ARHGEF7: variants seen among roughly 807,000 people sequenced by gnomAD.
The protein encoded by ARHGEF7 is PAK-interacting exchange factor beta.
Under a neutral mutation model 109.8 loss-of-function variants are expected in ARHGEF7, and 33 were observed. That is an observed-to-expected ratio of 0.30 (90% CI 0.23 to 0.40). ARHGEF7 has a LOEUF of 0.40. Ranked by LOEUF, ARHGEF7 falls within the 10% of genes least tolerant of loss-of-function variation. The pLI is 1.00. For synonymous variants in ARHGEF7, 458 were observed against 424.6 expected (o/e 1.08, Z -0.97); for missense variants, 938 against 1,098.5 (o/e 0.85, Z 2.07).
chr13:111,274,604 C>CT (rs1322484508), intron 10 of ARHGEF7, 127 bp from the exon 11 acceptor site: 1 of 453,222 alleles, frequency 2.2e-6, no homozygotes, highest in Non-Finnish European at 3.8e-6. Context: ...CACTTTAATG[C>CT]TGAGGGAAAA....
chr13:111,283,290 C>T lies in ARHGEF7; in HGVS notation c.1877C>T (p.Pro626Leu). ...NWGPLEPPKT[P>L]KPWSLSCLRP... ...GGACCCCTGGAGCCTCCGAAAACAC[C>T]CAAGCCCTGGAGCCTGAGCTGCCTG... The change falls in exon 16 of 22, where the codon CCC becomes CTC. Residue 626 changes from proline (P) to leucine (L), a missense_variant. Coordinates refer to ENST00000646102, the MANE Select transcript of ARHGEF7 (RefSeq NM_001354046.2). 3 of 1,577,340 alleles carry T rather than the reference C, an allele frequency of 1.9e-6. No individual in the cohort carries two copies. Among genetic ancestry groups the T allele is most frequent in the Non-Finnish European group, 2.6e-6 (3 of 1,165,150 alleles).
chr13:111,144,254 T>G (rs555457781), intron 1 of ARHGEF7: 2 of 152,334 alleles, frequency 1.3e-5, no homozygotes, highest in Non-Finnish European at 2.9e-5. Context: ...AGCATTTCAT[T>G]TAGAGTTGGG....
chr13:111,281,187 T>C (rs2092760704), intron 15 of ARHGEF7: 4 of 133,086 alleles, frequency 3.0e-5, no homozygotes, highest in Admixed American at 3.0e-4. Flanking sequence ...GAGACTTTTT[T>C]TTTTTTTTTT....
At chr13:111,181,582 C>T (rs369506783) in intron 2 of ARHGEF7, among the ~76,000 whole-genome samples, 12 of 152,164 alleles carry the variant, frequency 7.9e-5, no homozygotes, top group African/African-American at 2.7e-4. Context: ...TCTCCAGGTG[C>T]TGTTCATCAG....
chr13:111,243,080 A>G (rs2088088896), intron 6 of ARHGEF7, among the ~76,000 whole-genome samples: 1 of 152,220 alleles, frequency 6.6e-6, no homozygotes, highest in Admixed American at 6.5e-5. Context: ...CTATCTTTAA[A>G]TGAAGTAGTA....
At chr13:111,232,276 A>G (rs957292569) in intron 5 of ARHGEF7, among the ~76,000 whole-genome samples, 2 of 152,074 alleles carry the variant, frequency 1.3e-5, no homozygotes, top group Non-Finnish European at 2.9e-5. Context: ...GACGCCATAC[A>G]CTGTCTGCAG....
chr13:111,271,645 C>G (rs1423291019), intron 9 of ARHGEF7, among the ~76,000 whole-genome samples: 2 of 152,198 alleles, frequency 1.3e-5, no homozygotes, highest in Non-Finnish European at 2.9e-5. Context: ...CGTGCGTGCT[C>G]TCTCTCACAA....
intron 2 of ARHGEF7, among the ~76,000 whole-genome samples, chr13:111,184,040 T>G: frequency 6.6e-6 from 1 of 152,142 alleles, no homozygotes. Flanking sequence ...TGAATTATAA[T>G]AATCCCCACC....
chr13:111,300,927 C>CG, intron 20 of ARHGEF7, 80 bp downstream of exon 20: 1 of 789,852 alleles, frequency 1.3e-6, no homozygotes, highest in Non-Finnish European at 2.0e-6. Context: ...TCCCTGAGGG[C>CG]GGGGGTATGG....
chr13:111,221,474 TATATAGATATATATAGAC>T (rs1234215892), intron 5 of ARHGEF7, among the ~76,000 whole-genome samples: 1 of 96,394 alleles, frequency 1.0e-5, no homozygotes, highest in Non-Finnish European at 2.0e-5. Flanking sequence ...GACATCTATA[TATATAGATATATATAGAC>T]ATATATATAT....
At chr13:111,186,189 T>G (rs1320333292) in intron 2 of ARHGEF7, among the ~76,000 whole-genome samples, 1 of 152,066 alleles carries the variant, frequency 6.6e-6, no homozygotes, top group Non-Finnish European at 1.5e-5. Flanking sequence ...AGAGAGCATC[T>G]TGTTGGGAAG....
intron 1 of ARHGEF7, 124 bp from the exon 2 acceptor site, chr13:111,153,781 G>T (rs2076060108): frequency 7.2e-7 from 1 of 1,382,010 alleles, no homozygotes; most frequent in East Asian, 3.1e-5. Context: ...GCTCCAGGCC[G>T]TCGGGGGCCG....
intron 8 of ARHGEF7, among the ~76,000 whole-genome samples, chr13:111,261,019 A>C (rs1425717516): frequency 6.6e-6 from 1 of 152,222 alleles, no homozygotes; most frequent in Non-Finnish European, 1.5e-5. Flanking sequence ...AAGAAATTAA[A>C]ACATAAAACC....
At chr13:111,245,946 A>C (rs918787355) in intron 8 of ARHGEF7, among the ~76,000 whole-genome samples, 4 of 152,260 alleles carry the variant, frequency 2.6e-5, no homozygotes, top group African/African-American at 9.6e-5. Context: ...ACAATGCAGA[A>C]ACCACAAATA....
At chr13:111,201,049 G>A (rs191348563) in intron 2 of ARHGEF7, among the ~76,000 whole-genome samples, 31 of 152,166 alleles carry the variant, frequency 2.0e-4, no homozygotes, top group African/African-American at 6.3e-4. Flanking sequence ...GCCCTTGGTC[G>A]TCCTCCATGC....
Position 111,255,584 on chromosome 13 carries a change from A to G in ARHGEF7, c.950+11290A>G, listed in dbSNP as rs970139502. Among the ~76,000 whole-genome samples the G allele has an allele frequency of 2.0e-5, 3 of 152,198 alleles. No individual in the cohort carries two copies. The highest frequency in any genetic ancestry group is 7.2e-5 in the African/African-American group (3 of 41,442). On this transcript the variant is annotated intron_variant, in intron 8 of 21. Coordinates refer to ENST00000646102, the MANE Select transcript of ARHGEF7 (RefSeq NM_001354046.2). This position sits in a 1 kb window ranked among gnomAD's most constrained non-coding sequence, Gnocchi z 4.1. ...TGTTCTGCCAGGGCCCTCCCTGTGC[A>G]CCATTTATAACTTCAGTTGTGAAAA...
At chr13:111,153,584 G>A (rs999700605) in intron 1 of ARHGEF7, 24 of 1,096,338 alleles carry the variant, frequency 2.2e-5, no homozygotes, top group East Asian at 7.1e-5. Context: ...CCGCGGGGGC[G>A]AACACCCGAC....
intron 8 of ARHGEF7, among the ~76,000 whole-genome samples, chr13:111,248,031 GT>G (rs1219754386): frequency 6.6e-6 from 1 of 152,136 alleles, no homozygotes; most frequent in Non-Finnish European, 1.5e-5. Flanking sequence ...TTTCTATCTG[GT>G]GTCATTTTTC....
intron 5 of ARHGEF7, among the ~76,000 whole-genome samples, chr13:111,229,242 A>T (rs1293378546): frequency 2.6e-5 from 4 of 151,416 alleles, no homozygotes; most frequent in Admixed American, 2.6e-4. Context: ...TCACTCCCTG[A>T]TTTTTCTCCT....
Sources: gnomAD v4.1 joint callset for allele counts (sites outside exome capture counted in the v4.1 genomes callset) on GRCh38, gnomAD v4.1.1 for gene constraint, Gnocchi (gnomAD v3.1) non-coding constraint, MANE v1.5 for transcripts, NCBI Gene and HGNC (gene_info 2026-07-23, HGNC 2026-07-21) for gene names.